Variants in SNX6 observed in about 807,000 individuals in gnomAD.
SNX6 encodes sorting nexin-6.
A neutral mutation model predicts 63.0 loss-of-function variants in SNX6; 34 were observed. That is an observed-to-expected ratio of 0.54 (90% CI 0.41 to 0.72). SNX6 has a LOEUF of 0.72. Among genes scored for constraint, SNX6 ranks in the 30% least tolerant of loss-of-function variants. The pLI is 0.00. For missense variants in SNX6, 398 were observed against 471.4 expected, an observed-to-expected ratio of 0.84 and a Z score of 1.44; for synonymous variants, 170 against 164.2, an observed-to-expected ratio of 1.04 and a Z score of -0.27.
intron 11 of SNX6, among the ~76,000 whole-genome samples, chr14:34,571,090 A>T: frequency 6.6e-6 from 1 of 151,890 alleles, no homozygotes. Flanking sequence ...ACATCCAGAC[A>T]ATGGAATATT....
intron 2 of SNX6, chr14:34,629,349 A>G (rs778409597): frequency 6.7e-5 from 24 of 360,450 alleles, no homozygotes; most frequent in Non-Finnish European, 1.3e-4. Flanking sequence ...TATTAGAAAA[A>G]GTAAAGATAC....
intron 8 of SNX6, among the ~76,000 whole-genome samples, chr14:34,591,657 T>C (rs1051299341): frequency 1.2e-4 from 19 of 152,142 alleles, no homozygotes; most frequent in African/African-American, 4.1e-4. Context: ...CCAGTATCTA[T>C]TGGGAAGTAA....
chr14:34,607,913 C>T (rs1883082592), intron 4 of SNX6, 117 bp downstream of exon 4: 1 of 499,544 alleles, frequency 2.0e-6, no homozygotes, highest in Non-Finnish European at 3.5e-6. Flanking sequence ...ATCTCAAAAA[C>T]AAAACAAAAC....
intron 10 of SNX6, among the ~76,000 whole-genome samples, chr14:34,576,466 T>C (rs942245733): frequency 6.9e-6 from 1 of 144,484 alleles, no homozygotes; most frequent in African/African-American, 2.6e-5. Flanking sequence ...TTTTTTTTTT[T>C]GAGACAGAGT....
At position 34,603,459 on chromosome 14, in the gene SNX6, T is replaced by C; in HGVS notation, c.405A>G (p.Ala135=). 1 of 1,595,510 alleles carries C rather than the reference T, an allele frequency of 6.3e-7. No homozygotes were observed. The highest frequency in any genetic ancestry group is 8.5e-7 in the Non-Finnish European group (1 of 1,172,130). ...GCATCGCAACTGTCTTCTTGAATATTGCCAAATATTCACTAGAAACAATAT... is the reference window on the plus strand; with the variant it reads ...GCATCGCAACTGTCTTCTTGAATATCGCCAAATATTCACTAGAAACAATAT... ...MKQELEAEYL[A]IFKKTVAMHE... The change falls in exon 6 of 14, where the codon GCA becomes GCG. Residue 135 remains alanine (A), a synonymous_variant. Coordinates refer to ENST00000362031, the MANE Select transcript of SNX6 (RefSeq NM_152233.4).
chr14:34,612,400 T>G (rs758386850), intron 2 of SNX6, among the ~76,000 whole-genome samples: 13 of 152,142 alleles, frequency 8.5e-5, no homozygotes, highest in Non-Finnish European at 1.9e-4. Flanking sequence ...ATTTTGAGAT[T>G]ATCCTGGATT....
At chr14:34,597,143 C>T (rs985388454) in intron 7 of SNX6, among the ~76,000 whole-genome samples, 9 of 152,242 alleles carry the variant, frequency 5.9e-5, no homozygotes, top group Non-Finnish European at 1.0e-4. Flanking sequence ...CCACATTGCA[C>T]ACTGTCCCTC....
intron 4 of SNX6, among the ~76,000 whole-genome samples, chr14:34,607,434 C>T (rs903218349): frequency 3.3e-5 from 5 of 151,670 alleles, no homozygotes; most frequent in African/African-American, 1.2e-4. Context: ...TGGCGAAATC[C>T]CGTCTCTACT....
intron 8 of SNX6, among the ~76,000 whole-genome samples, chr14:34,588,007 CTTTT>C (rs1159746973): frequency 1.5e-5 from 2 of 137,572 alleles, no homozygotes; most frequent in Non-Finnish European, 3.2e-5. Flanking sequence ...GATGGGGTTT[CTTTT>C]TTTTTTTTCT....
At chr14:34,605,810 T>A in intron 4 of SNX6, 93 bp from the exon 5 acceptor site, 1 of 1,456,562 alleles carries the variant, frequency 6.9e-7, no homozygotes, top group Non-Finnish European at 9.1e-7. Context: ...CTGGGAAAGC[T>A]AAGGGGATCC....
At chr14:34,577,484 T>A (rs537520450) in intron 10 of SNX6, among the ~76,000 whole-genome samples, 51 of 152,288 alleles carry the variant, frequency 3.3e-4, no homozygotes, top group African/African-American at 1.1e-3. Context: ...ATCCTCCTGC[T>A]GAAGACAGCT....
At chr14:34,602,408 CAA>C (rs907861970) in intron 6 of SNX6, among the ~76,000 whole-genome samples, 11 of 145,202 alleles carry the variant, frequency 7.6e-5, no homozygotes, top group Admixed American at 6.9e-4. Context: ...GCTTGGGAAA[CAA>C]GAGCGAAACT....
chr14:34,602,957 CAG>C (rs1296843903), intron 6 of SNX6, among the ~76,000 whole-genome samples: 1 of 138,662 alleles, frequency 7.2e-6, no homozygotes, highest in Non-Finnish European at 1.5e-5. Flanking sequence ...GCCTGGCTGA[CAG>C]AGCGAGACTC....
chr14:34,605,492 T>A, intron 5 of SNX6, 104 bp downstream of exon 5: 1 of 913,528 alleles, frequency 1.1e-6, no homozygotes, highest in Non-Finnish European at 1.6e-6. Flanking sequence ...AAGGGTTTAA[T>A]GATGGGATAT....
At chr14:34,604,062 A>G (rs1882925467) in intron 5 of SNX6, 2 of 1,114,950 alleles carry the variant, frequency 1.8e-6, no homozygotes, top group Admixed American at 4.6e-5. Context: ...GGGGAAAAAA[A>G]AAAAAAAACA....
At chr14:34,593,277 T>C (rs2075627625) in intron 7 of SNX6, 127 bp from the exon 8 acceptor site, 8 of 594,168 alleles carry the variant, frequency 1.3e-5, no homozygotes, top group Non-Finnish European at 2.0e-5. Context: ...TCAGATGTTA[T>C]TATACTAATT....
intron 4 of SNX6, among the ~76,000 whole-genome samples, chr14:34,606,995 G>A (rs907771835): frequency 6.7e-6 from 1 of 149,836 alleles, no homozygotes; most frequent in Non-Finnish European, 1.5e-5. Context: ...GGCCAGGCTG[G>A]TCTTGAACTC....
chr14:34,590,369 A>G (rs1882344744), intron 8 of SNX6, among the ~76,000 whole-genome samples: 1 of 151,526 alleles, frequency 6.6e-6, no homozygotes, highest in Non-Finnish European at 1.5e-5. Context: ...TGGAGCTTGC[A>G]GTGAGCCAAG....
chr14:34,565,936 G>A (rs1415574979), intron 13 of SNX6, among the ~76,000 whole-genome samples: 2 of 151,842 alleles, frequency 1.3e-5, no homozygotes, highest in Non-Finnish European at 2.9e-5. Flanking sequence ...TGATCCACCC[G>A]CCTCGGCCTC....
Sources: gnomAD v4.1 joint callset for allele counts (sites outside exome capture counted in the v4.1 genomes callset) on GRCh38, gnomAD v4.1.1 for gene constraint, MANE v1.5 for transcripts, NCBI Gene and HGNC (gene_info 2026-07-23, HGNC 2026-07-21) for gene names.